LOC122539214: variants seen among roughly 807,000 people sequenced by gnomAD.
At chr19:52,690,488 C>T in the LOC122539214 span, 1 of 185,668 alleles carries the variant, frequency 5.4e-6, no homozygotes. Context: ...TCCAGATTTG[C>T]GAGAATCTGC....
the LOC122539214 span, chr19:52,653,009 G>A: frequency 7.1e-7 from 1 of 1,406,066 alleles, no homozygotes; most frequent in South Asian, 1.1e-5. Flanking sequence ...ACTCTCTGAT[G>A]TTGTGCAAGG....
At chr19:52,675,117 C>T in the LOC122539214 span, among the ~76,000 whole-genome samples, 1 of 152,174 alleles carries the variant, frequency 6.6e-6, no homozygotes, top group African/African-American at 2.4e-5. Context: ...TCTTATTAAA[C>T]AAAGGAAGTT....
the LOC122539214 span, among the ~76,000 whole-genome samples, chr19:52,687,797 C>G: frequency 6.7e-6 from 1 of 148,182 alleles, no homozygotes; most frequent in Non-Finnish European, 1.5e-5. Context: ...TGCACTCCAG[C>G]CCGAGTGATA....
chr19:52,660,084 A>C, the LOC122539214 span, among the ~76,000 whole-genome samples: 1 of 152,094 alleles, frequency 6.6e-6, no homozygotes, highest in Non-Finnish European at 1.5e-5. Context: ...CCAGCTACTC[A>C]GGAGGCTGAG....
chr19:52,689,488 C>T, the LOC122539214 span, among the ~76,000 whole-genome samples: 2 of 152,122 alleles, frequency 1.3e-5, no homozygotes, highest in African/African-American at 2.4e-5. Flanking sequence ...GCTCTGTCTG[C>T]CCTGGCTCCA....
the LOC122539214 span, among the ~76,000 whole-genome samples, chr19:52,662,849 T>G: frequency 6.6e-6 from 1 of 151,986 alleles, no homozygotes; most frequent in Non-Finnish European, 1.5e-5. Flanking sequence ...CAACAGAATG[T>G]GTTGGTTTTT....
the LOC122539214 span, among the ~76,000 whole-genome samples, chr19:52,665,848 G>A: frequency 1.3e-5 from 2 of 152,048 alleles, no homozygotes; most frequent in Non-Finnish European, 2.9e-5. Flanking sequence ...CATCTATGAG[G>A]ACGCACCCTT....
chr19:52,655,345 A>T, the LOC122539214 span: 1 of 452,740 alleles, frequency 2.2e-6, no homozygotes, highest in Non-Finnish European at 3.9e-6. Flanking sequence ...CTATTAGTCA[A>T]AGTGTTCATG....
At chr19:52,690,026 CT>C in the LOC122539214 span, among the ~76,000 whole-genome samples, 50 of 152,246 alleles carry the variant, frequency 3.3e-4, no homozygotes, top group Admixed American at 7.2e-4. Flanking sequence ...GATCCCAGGA[CT>C]AGGCAGAGGA....
chr19:52,672,310 G>A, the LOC122539214 span, among the ~76,000 whole-genome samples: 1 of 152,188 alleles, frequency 6.6e-6, no homozygotes, highest in Non-Finnish European at 1.5e-5. Flanking sequence ...GACTATATCT[G>A]TAAGTTAACA....
chr19:52,661,148 C>A, the LOC122539214 span, among the ~76,000 whole-genome samples: 1 of 152,140 alleles, frequency 6.6e-6, no homozygotes, highest in Non-Finnish European at 1.5e-5. Context: ...CAGGGGTAAA[C>A]CACCAGACCC....
chr19:52,686,147 A>T, the LOC122539214 span, among the ~76,000 whole-genome samples: 1 of 152,196 alleles, frequency 6.6e-6, no homozygotes, highest in South Asian at 2.1e-4. Flanking sequence ...CCAGGTACAC[A>T]CTGAAACAAT....
chr19:52,662,140 G>A, the LOC122539214 span, among the ~76,000 whole-genome samples: 10 of 152,102 alleles, frequency 6.6e-5, no homozygotes, highest in Admixed American at 4.6e-4. Context: ...ATTTTCTCAC[G>A]CCTTTCATGT....
chr19:52,653,411 C>T, the LOC122539214 span: 1 of 866,680 alleles, frequency 1.2e-6, no homozygotes, highest in Non-Finnish European at 1.9e-6. Flanking sequence ...GGTTTCTCTT[C>T]AGTATGAACT....
the LOC122539214 span, among the ~76,000 whole-genome samples, chr19:52,679,249 A>G: frequency 6.6e-6 from 1 of 152,216 alleles, no homozygotes; most frequent in African/African-American, 2.4e-5. Context: ...CTTAGAGAAG[A>G]CGATCATTAG....
the LOC122539214 span, among the ~76,000 whole-genome samples, chr19:52,658,283 G>T: frequency 6.6e-6 from 1 of 152,024 alleles, no homozygotes; most frequent in Non-Finnish European, 1.5e-5. Context: ...TCTGGCTCAT[G>T]CCTGTAATTT....
chr19:52,668,802 C>T, the LOC122539214 span, among the ~76,000 whole-genome samples: 10 of 152,342 alleles, frequency 6.6e-5, no homozygotes, highest in East Asian at 1.9e-3. Flanking sequence ...TCCACGAGGG[C>T]TGTCCTCCAG....
chr19:52,653,993 T>G, the LOC122539214 span: 14 of 1,480,028 alleles, frequency 9.5e-6, no homozygotes, highest in East Asian at 2.3e-5. Flanking sequence ...ATATGGGTTT[T>G]GAGCCTACAA....
At chr19:52,658,179 A>G in the LOC122539214 span, among the ~76,000 whole-genome samples, 1 of 151,976 alleles carries the variant, frequency 6.6e-6, no homozygotes, top group Non-Finnish European at 1.5e-5. Flanking sequence ...AGAAACAACA[A>G]CAAAGAATAA....
Sources: allele counts gnomAD v4.1 joint callset (sites outside exome capture counted in the v4.1 genomes callset), GRCh38; gene constraint gnomAD v4.1.1; transcripts MANE v1.5.